GLI3: variants seen among roughly 807,000 people sequenced by gnomAD.
The protein encoded by GLI3 is GLI family zinc finger 3.
Under a neutral mutation model 100.8 loss-of-function variants are expected in GLI3, and 20 were observed. That is an observed-to-expected ratio of 0.20 (90% CI 0.14 to 0.29). The LOEUF (loss-of-function observed/expected upper bound fraction) is 0.29, where lower values mean the gene tolerates loss of function less well. Among genes scored for constraint, GLI3 ranks in the 10% least tolerant of loss-of-function variants. GLI3 has a pLI of 1.00. For missense variants in GLI3, 2,040 were observed against 2,128.5 expected (o/e 0.96, Z 0.82); for synonymous variants, 938 against 860.5 (o/e 1.09, Z -1.58).
chr7:42,027,150 C>T (rs1418561004), intron 7 of GLI3, among the ~76,000 whole-genome samples: 7 of 152,270 alleles, frequency 4.6e-5, no homozygotes, highest in African/African-American at 1.4e-4. Context: ...ACACTATTTC[C>T]CAGGCTACAG....
Position 42,132,128 on chromosome 7 carries a change from G to T in GLI3, c.367+16098C>A, listed in dbSNP as rs554049384. Among the ~76,000 whole-genome samples, 762 of 150,426 alleles carry T rather than the reference G, an allele frequency of 5.1e-3. 3 individuals carry two copies. Among genetic ancestry groups the T allele is most frequent in the South Asian group, 9.0e-3 (43 of 4,776 alleles). ...TTATTTATTTATTTTTGAGATGGAG[G>T]CTCGCTCTGTCGCCCAGGCTGGAGT... On this transcript the variant is annotated intron_variant, in intron 3 of 14. Coordinates refer to ENST00000395925, the MANE Select transcript of GLI3 (RefSeq NM_000168.6).
chr7:42,134,177 T>C (rs1786368647), intron 3 of GLI3, among the ~76,000 whole-genome samples: 1 of 151,508 alleles, frequency 6.6e-6, no homozygotes, highest in Non-Finnish European at 1.5e-5. Context: ...GGCAGTGGGG[T>C]AGGTAGTCCC....
Position 42,182,656 on chromosome 7 carries a change from A to ATATATATACATGTGTG in GLI3, c.125-34189_125-34188insCACACATGTATATATA, listed in dbSNP as rs1562775685. Reference sequence around the variant, plus strand: ...TGTATATGTGTGTGTATATATATATATATATATATATATATATATATATAT... The same window carrying ATATATATACATGTGTG: ...TGTATATGTGTGTGTATATATATATATATATATACATGTGTGTATATATATATATATATATATATAT... On this transcript the variant is annotated intron_variant, in intron 2 of 14. Coordinates refer to ENST00000395925, the MANE Select transcript of GLI3 (RefSeq NM_000168.6). 4.7e-4 allele frequency among the ~76,000 whole-genome samples: 25 copies of ATATATATACATGTGTG among 53,670 alleles called. 1 individual carries two copies. Among genetic ancestry groups the ATATATATACATGTGTG allele is most frequent in the Middle Eastern group, 0.018 (2 of 114 alleles). 35.2% of individuals were successfully genotyped at this position (53,670 alleles called of 152,430 possible).
chr7:41,985,653 C>T (rs1437292149), intron 10 of GLI3, among the ~76,000 whole-genome samples: 1 of 151,962 alleles, frequency 6.6e-6, no homozygotes, highest in Non-Finnish European at 1.5e-5. Flanking sequence ...CACAAGAATC[C>T]CTCAAAACTT....
chr7:42,182,021 T>G (rs1787603549), intron 2 of GLI3, among the ~76,000 whole-genome samples: 1 of 152,152 alleles, frequency 6.6e-6, no homozygotes, highest in Non-Finnish European at 1.5e-5. Context: ...AGTTTGTCTG[T>G]AAGAACTCTT....
chr7:42,060,825 G>A (rs1784552960), intron 4 of GLI3, among the ~76,000 whole-genome samples: 1 of 152,152 alleles, frequency 6.6e-6, no homozygotes, highest in African/African-American at 2.4e-5. Context: ...ACATTTGTTT[G>A]TATAGGTGTT....
At chr7:42,106,406 C>T (rs1785576509) in intron 3 of GLI3, among the ~76,000 whole-genome samples, 1 of 152,182 alleles carries the variant, frequency 6.6e-6, no homozygotes, top group Non-Finnish European at 1.5e-5. Flanking sequence ...CTCTGTGTCC[C>T]TCCAGCTGCA....
intron 10 of GLI3, among the ~76,000 whole-genome samples, chr7:41,993,621 C>T (rs547626403): frequency 6.6e-6 from 1 of 152,308 alleles, no homozygotes; most frequent in Non-Finnish European, 1.5e-5. Context: ...ATGATATGTT[C>T]CAAGTGCCTG....
chr7:42,092,785 TTTTATTTA>T (rs201707528), intron 3 of GLI3, among the ~76,000 whole-genome samples: 65 of 145,492 alleles, frequency 4.5e-4, no homozygotes, highest in African/African-American at 5.9e-4. Context: ...TTTTATTTCA[TTTTATTTA>T]TTTATTTATT....
chr7:41,968,748 G>GAAGA (rs1562662007), intron 13 of GLI3, among the ~76,000 whole-genome samples: 4 of 122,156 alleles, frequency 3.3e-5, no homozygotes, highest in Non-Finnish European at 6.7e-5. Context: ...AAGAAAGAAA[G>GAAGA]AAAGAAAGAA....
chr7:42,223,284 A>G lies in GLI3; in HGVS notation c.-31T>C. On this transcript the variant is annotated 5_prime_UTR_variant, in exon 2 of 15. Coordinates refer to ENST00000395925, the MANE Select transcript of GLI3 (RefSeq NM_000168.6). The stretch of plus-strand genomic sequence containing the variant: ...CTTCTCATTACTTCAGCTCTCTTCG[A>G]CCAAAAATGCCCTAAAGAAAACAAC... The G allele has an allele frequency of 6.2e-7, 1 of 1,606,028 alleles. No homozygotes were observed. Among genetic ancestry groups the G allele is most frequent in the African/African-American group, 1.3e-5 (1 of 74,630 alleles).
At position 42,224,757 on chromosome 7, in the gene GLI3, G is replaced by A. The variant is rs147511639; in HGVS notation, c.-42-1462C>T. Among the ~76,000 whole-genome samples, 45 of 152,204 alleles carry A rather than the reference G, an allele frequency of 3.0e-4. 1 individual carries two copies. Among genetic ancestry groups the A allele is most frequent in the Admixed American group, 2.7e-3 (42 of 15,288 alleles). On this transcript the variant is annotated intron_variant, in intron 1 of 14. Coordinates refer to ENST00000395925, the MANE Select transcript of GLI3 (RefSeq NM_000168.6). ...TCCCTTCCGAGTGCAGCCACCGTGC[G>A]TGAGTCCCAAGGGCAGGGCTACCTG...
At chr7:42,195,595 C>T (rs1283049607) in intron 2 of GLI3, among the ~76,000 whole-genome samples, 1 of 152,170 alleles carries the variant, frequency 6.6e-6, no homozygotes, top group Non-Finnish European at 1.5e-5. Context: ...TGCCAGTGCC[C>T]CCACTAGGTC....
upstream of GLI3, chr7:42,237,763 T>C (rs1000193678): frequency 3.9e-5 from 6 of 152,186 alleles, no homozygotes; most frequent in East Asian, 2.0e-4. Flanking sequence ...TTGGGAAAAC[T>C]TGGAGTGCTG....
chr7:42,016,428 G>A (rs1010702667), intron 10 of GLI3, among the ~76,000 whole-genome samples: 3 of 152,098 alleles, frequency 2.0e-5, no homozygotes, highest in Non-Finnish European at 4.4e-5. Flanking sequence ...GCTTTTATAC[G>A]TGACATGCAT....
At position 41,967,864 on chromosome 7, in the gene GLI3, G is replaced by A. The variant is rs1398108964; in HGVS notation, c.2163C>T (p.Ser721=). Residue 721 remains serine (S), a synonymous_variant, in exon 14 of 15, where the codon AGC becomes AGT. Transcript: ENST00000395925. The stretch of plus-strand genomic sequence containing the variant: ...GCTCGAGCCCACTGTTGGAATAGTT[G>A]CTGATGGGGGACTGTTGGCTGCTGC... ...SSCSSQQSPI[S]NYSNSGLELP... The A allele has an allele frequency of 1.2e-6, 2 of 1,614,164 alleles. No homozygotes were observed. The highest frequency in any genetic ancestry group is 1.3e-5 in the African/African-American group (1 of 75,034).
At chr7:42,105,480 C>T (rs1289366521) in intron 3 of GLI3, among the ~76,000 whole-genome samples, 3 of 151,470 alleles carry the variant, frequency 2.0e-5, no homozygotes, top group Non-Finnish European at 4.4e-5. Context: ...GAGAGAAAAG[C>T]GAGAAGCGAA....
chr7:42,147,102 A>C (rs1190699535), intron 3 of GLI3, among the ~76,000 whole-genome samples: 1 of 151,998 alleles, frequency 6.6e-6, no homozygotes, highest in Non-Finnish European at 1.5e-5. Flanking sequence ...CCAACAATAT[A>C]ATCTGGTTGG....
chr7:41,978,386 A>G (rs1787566352), intron 11 of GLI3, among the ~76,000 whole-genome samples: 1 of 152,222 alleles, frequency 6.6e-6, no homozygotes, highest in Non-Finnish European at 1.5e-5. Context: ...ATTCATTCCC[A>G]GTGCCAGCCA....
Sources: allele counts gnomAD v4.1 joint callset (sites outside exome capture counted in the v4.1 genomes callset), GRCh38; gene constraint gnomAD v4.1.1; transcripts MANE v1.5; gene names NCBI Gene and HGNC (gene_info 2026-07-23, HGNC 2026-07-21).